FGGY: variants seen among roughly 807,000 people sequenced by gnomAD.
FGGY encodes FGGY carbohydrate kinase domain-containing protein.
In FGGY, 72 loss-of-function variants were observed where a neutral mutation model predicts 71.3. The observed-to-expected ratio is 1.01, with a 90% confidence interval of 0.84 to 1.23. FGGY has a LOEUF of 1.23. Ranked by LOEUF, FGGY falls within the 50% of genes most tolerant of loss-of-function variation. The probability of loss-of-function intolerance (pLI) is 0.00; values close to 1 mark genes in which losing one functional copy is unlikely to be tolerated. For missense variants in FGGY, 668 were observed against 682.3 expected (o/e 0.98, Z 0.23); for synonymous variants, 251 against 250.3 (o/e 1.00, Z -0.02).
At chr1:59,712,004 C>G (rs1320629016) in intron 14 of FGGY, among the ~76,000 whole-genome samples, 4 of 152,210 alleles carry the variant, frequency 2.6e-5, no homozygotes, top group Non-Finnish European at 5.9e-5. Flanking sequence ...AAAGTCTCAT[C>G]TGAGACAAGG....
In FGGY at chr1:59,583,578, A is replaced by G. The variant is rs2096231725; in HGVS notation, c.904-24225A>G. Among the ~76,000 whole-genome samples, 2 of 142,662 alleles carry G rather than the reference A, an allele frequency of 1.4e-5. 1 individual carries two copies. Among genetic ancestry groups the G allele is most frequent in the Non-Finnish European group, 3.0e-5 (2 of 66,340 alleles). 93.6% of individuals were successfully genotyped at this position (142,662 alleles called of 152,430 possible). On this transcript the variant is annotated intron_variant, in intron 8 of 15. Coordinates refer to ENST00000303721, the MANE Select transcript of FGGY (RefSeq NM_018291.5). ...GGTTGTTTAGACATGTTTTAGGGAC[A>G]TTGAAATGGACTGCGCATGGAGGAA... is the stretch of plus-strand genomic sequence containing the variant.
chr1:59,691,047 GT>G (rs1023471387), intron 14 of FGGY, among the ~76,000 whole-genome samples: 2 of 152,122 alleles, frequency 1.3e-5, no homozygotes, highest in Non-Finnish European at 2.9e-5. Context: ...TCAGATTCTG[GT>G]TTTCAAAAAT....
intron 14 of FGGY, among the ~76,000 whole-genome samples, chr1:59,735,605 G>A (rs1384247505): frequency 6.6e-6 from 1 of 152,114 alleles, no homozygotes; most frequent in Admixed American, 6.5e-5. Flanking sequence ...ATCTCTACAA[G>A]GCAGCTATGA....
At chr1:59,578,911 G>A (rs887814403) in intron 8 of FGGY, among the ~76,000 whole-genome samples, 2 of 152,036 alleles carry the variant, frequency 1.3e-5, no homozygotes, top group Admixed American at 1.3e-4. Flanking sequence ...GGAGAGCGAG[G>A]TAGAAGAAAA....
At chr1:59,346,522 G>T (rs970125191) in intron 4 of FGGY, 124 bp downstream of exon 4, 3 of 1,097,408 alleles carry the variant, frequency 2.7e-6, no homozygotes, top group African/African-American at 1.6e-5. Flanking sequence ...CAACTAGGAG[G>T]AAGGTTGATC....
chr1:59,754,451 T>G (rs1199315981), intron 14 of FGGY, among the ~76,000 whole-genome samples: 1 of 152,234 alleles, frequency 6.6e-6, no homozygotes. Context: ...AGTCTTGCTC[T>G]GTCTCCCAGG....
chr1:59,583,161 AT>A (rs1258492517), intron 8 of FGGY, among the ~76,000 whole-genome samples: 1 of 142,884 alleles, frequency 7.0e-6, no homozygotes, highest in African/African-American at 2.7e-5. Flanking sequence ...CTTTTATACC[AT>A]GATGTAACTA....
At chr1:59,526,881 C>A (rs1456736581) in intron 7 of FGGY, among the ~76,000 whole-genome samples, 1 of 152,172 alleles carries the variant, frequency 6.6e-6, no homozygotes, top group East Asian at 1.9e-4. Flanking sequence ...CTCAGATTTC[C>A]CTTCTGCAAA....
At chr1:59,672,770 T>C (rs1220176423) in intron 13 of FGGY, among the ~76,000 whole-genome samples, 2 of 152,218 alleles carry the variant, frequency 1.3e-5, no homozygotes, top group African/African-American at 4.8e-5. Context: ...ATAACTCTTA[T>C]GGCTTGAGTA....
intron 2 of FGGY, among the ~76,000 whole-genome samples, chr1:59,321,967 G>A (rs1204044219): frequency 2.5e-4 from 38 of 152,184 alleles, no homozygotes; most frequent in Admixed American, 2.5e-3. Context: ...GCTGGAGCTG[G>A]GGAAAGAGCT....
intron 14 of FGGY, among the ~76,000 whole-genome samples, chr1:59,692,975 C>G (rs1014463940): frequency 2.0e-5 from 3 of 152,160 alleles, no homozygotes; most frequent in African/African-American, 7.2e-5. Context: ...GCTCTGTTGC[C>G]TTGAGCAAGT....
intron 5 of FGGY, among the ~76,000 whole-genome samples, chr1:59,438,485 C>T (rs2069009296): frequency 6.6e-6 from 1 of 152,134 alleles, no homozygotes; most frequent in African/African-American, 2.4e-5. Context: ...TCTCCTTGTG[C>T]TTTGGAAAAA....
At chr1:59,572,070 G>T (rs2095996026) in intron 8 of FGGY, among the ~76,000 whole-genome samples, 1 of 152,112 alleles carries the variant, frequency 6.6e-6, no homozygotes, top group Admixed American at 6.5e-5. Flanking sequence ...GCTTCTGAAG[G>T]ATACATGAGT....
intron 3 of FGGY, 33 bp from the exon 4 acceptor site, chr1:59,346,214 T>G: frequency 6.2e-7 from 1 of 1,611,152 alleles, no homozygotes. Flanking sequence ...AGAGAATGTG[T>G]GTCCATCTGC....
intron 5 of FGGY, among the ~76,000 whole-genome samples, chr1:59,433,862 G>T (rs1391910297): frequency 6.6e-6 from 1 of 152,202 alleles, no homozygotes; most frequent in Non-Finnish European, 1.5e-5. Context: ...TCTGTAGCAT[G>T]CTTTAGGGAG....
intron 2 of FGGY, among the ~76,000 whole-genome samples, chr1:59,334,004 T>G (rs2048983304): frequency 6.6e-6 from 1 of 152,118 alleles, no homozygotes; most frequent in African/African-American, 2.4e-5. Context: ...AGGTGAGCAG[T>G]ATGGTATAAT....
chr1:59,469,459 T>A (rs1269906428), intron 6 of FGGY, among the ~76,000 whole-genome samples: 2 of 152,210 alleles, frequency 1.3e-5, no homozygotes, highest in African/African-American at 4.8e-5. Context: ...CCTAAGACAA[T>A]GGCATTAATC....
At chr1:59,385,039 A>C (rs779224351) in intron 5 of FGGY, among the ~76,000 whole-genome samples, 6 of 152,152 alleles carry the variant, frequency 3.9e-5, no homozygotes, top group Non-Finnish European at 7.4e-5. Context: ...TTTTAAAAAT[A>C]CGTTTTAGTA....
At position 59,602,556 on chromosome 1, in the gene FGGY, A is replaced by T. The variant is rs1468392855; in HGVS notation, c.904-5247A>T. Reference sequence around the variant, plus strand: ...ATGCAAAACTATACCCATCCTTCAAACCATGCGATCTTTTATTTAAAGTAA... The same window carrying T: ...ATGCAAAACTATACCCATCCTTCAATCCATGCGATCTTTTATTTAAAGTAA... On this transcript the variant is annotated intron_variant, in intron 8 of 15. Coordinates refer to ENST00000303721, the MANE Select transcript of FGGY (RefSeq NM_018291.5). 2.0e-5 allele frequency among the ~76,000 whole-genome samples: 3 copies of T among 152,258 alleles called. No individual in the cohort carries two copies. The East Asian group carries it at 5.8e-4, about 29-fold the overall frequency.
Sources: gnomAD v4.1 joint callset for allele counts (sites outside exome capture counted in the v4.1 genomes callset) on GRCh38, gnomAD v4.1.1 for gene constraint, MANE v1.5 for transcripts, NCBI Gene and HGNC (gene_info 2026-07-23, HGNC 2026-07-21) for gene names.